SPECC1: variants seen among roughly 807,000 people sequenced by gnomAD.
The protein encoded by SPECC1 is cytospin-B.
A neutral mutation model predicts 104.1 loss-of-function variants in SPECC1; 62 were observed. That is an observed-to-expected ratio of 0.60 (90% CI 0.49 to 0.74). The LOEUF is 0.74. Among genes scored for constraint, SPECC1 ranks in the 30% least tolerant of loss-of-function variants. The probability of loss-of-function intolerance (pLI) is 0.00; values close to 1 mark genes in which losing one functional copy is unlikely to be tolerated. For missense variants in SPECC1, 1,306 were observed against 1,310.5 expected (o/e 1.00, Z 0.05); for synonymous variants, 513 against 501.6 (o/e 1.02, Z -0.30).
chr17:20,283,539 C>T lies in SPECC1; in HGVS notation c.2941-13422C>T, dbSNP rs548647646. 2.0e-5 allele frequency among the ~76,000 whole-genome samples: 3 copies of T among 152,130 alleles called. No homozygotes were observed. The South Asian group carries it at 6.2e-4, about 32-fold the overall frequency. On this transcript the variant is annotated intron_variant, in intron 12 of 14. Transcript: ENST00000395527. ...CATACATTTCAGACTATTTGTATTT[C>T]CTCTTCAGTACATTACAGGTTCATT...
chr17:20,182,555 T>C (rs976958173), intron 3 of SPECC1, among the ~76,000 whole-genome samples: 8 of 152,208 alleles, frequency 5.3e-5, no homozygotes, highest in Admixed American at 5.2e-4. Context: ...AATTGAGGCT[T>C]TGAAAGACTA....
intron 2 of SPECC1, among the ~76,000 whole-genome samples, chr17:20,107,609 A>C (rs1023534443): frequency 1.3e-4 from 19 of 151,728 alleles, no homozygotes; most frequent in African/African-American, 4.4e-4. Context: ...GGCATGTGTC[A>C]CCACACCTGG....
At chr17:20,309,765 A>G (rs767336723) in intron 14 of SPECC1, among the ~76,000 whole-genome samples, 2 of 148,550 alleles carry the variant, frequency 1.3e-5, no homozygotes, top group Non-Finnish European at 1.5e-5. Context: ...TCCATGGTAT[A>G]TATGTACCAC....
At chr17:20,147,081 A>ATTTTT (rs71157859) in intron 3 of SPECC1, among the ~76,000 whole-genome samples, 1 of 125,698 alleles carries the variant, frequency 8.0e-6, no homozygotes, top group African/African-American at 3.0e-5. Flanking sequence ...ATGGATCGTG[A>ATTTTT]TTTTTTTTTT....
At chr17:20,037,324 G>A (rs1031923863) in intron 1 of SPECC1, among the ~76,000 whole-genome samples, 1 of 150,988 alleles carries the variant, frequency 6.6e-6, no homozygotes, top group African/African-American at 2.4e-5. Context: ...GCTAATTTTT[G>A]TATTTTAGTA....
At chr17:20,253,702 G>T in intron 10 of SPECC1, 116 bp downstream of exon 10, 1 of 951,162 alleles carries the variant, frequency 1.1e-6, no homozygotes, top group South Asian at 1.5e-5. Flanking sequence ...TCTTGCAAGT[G>T]ATTTCAACCC....
intron 1 of SPECC1, among the ~76,000 whole-genome samples, chr17:20,085,929 G>T (rs2152495121): frequency 6.6e-6 from 1 of 152,350 alleles, no homozygotes; most frequent in South Asian, 2.1e-4. Context: ...TTTTGTTCCT[G>T]CATCCTCTGC....
intron 2 of SPECC1, among the ~76,000 whole-genome samples, chr17:20,103,962 G>A (rs954387319): frequency 6.6e-6 from 1 of 152,174 alleles, no homozygotes; most frequent in Non-Finnish European, 1.5e-5. Flanking sequence ...CCTCTGCTCA[G>A]GACCCATTGT....
At chr17:20,157,236 G>C (rs559177243) in intron 3 of SPECC1, among the ~76,000 whole-genome samples, 1 of 152,180 alleles carries the variant, frequency 6.6e-6, no homozygotes, top group East Asian at 1.9e-4. Context: ...CCCTATCCTC[G>C]GGGTGGGGTG....
intron 3 of SPECC1, among the ~76,000 whole-genome samples, chr17:20,151,269 G>GA (rs2031981302): frequency 6.6e-6 from 1 of 152,142 alleles, no homozygotes; most frequent in Non-Finnish European, 1.5e-5. Flanking sequence ...GTGATATGTG[G>GA]AGCTACACTT....
intron 3 of SPECC1, chr17:20,113,064 A>G: frequency 2.7e-6 from 2 of 733,152 alleles, no homozygotes; most frequent in Admixed American, 4.1e-5. Context: ...CCACCCGCTC[A>G]GTTGTCTAGA....
chr17:20,264,861 G>A (rs958699060), intron 12 of SPECC1, among the ~76,000 whole-genome samples: 1 of 152,170 alleles, frequency 6.6e-6, no homozygotes, highest in Non-Finnish European at 1.5e-5. Flanking sequence ...CCACTTATAA[G>A]TGAGATGTGG....
chr17:20,298,948 A>AGAGAGT, intron 13 of SPECC1, among the ~76,000 whole-genome samples: 10 of 49,070 alleles, frequency 2.0e-4, no homozygotes, highest in Non-Finnish European at 2.6e-4. Context: ...AGAGAGAGAG[A>AGAGAGT]GTGTGTGTGT....
intron 1 of SPECC1, among the ~76,000 whole-genome samples, chr17:20,020,423 C>A (rs1447041367): frequency 5.3e-5 from 8 of 151,340 alleles, no homozygotes; most frequent in Non-Finnish European, 7.4e-5. Context: ...GCAACCTCCG[C>A]CTCCTGGGTT....
At chr17:20,037,553 G>A (rs949173334) in intron 1 of SPECC1, among the ~76,000 whole-genome samples, 1 of 151,534 alleles carries the variant, frequency 6.6e-6, no homozygotes, top group African/African-American at 2.4e-5. Flanking sequence ...GTCAAGAGTA[G>A]CTGTCCTTAT....
At chr17:20,092,713 C>G (rs2047457236) in intron 1 of SPECC1, among the ~76,000 whole-genome samples, 1 of 152,212 alleles carries the variant, frequency 6.6e-6, no homozygotes, top group Non-Finnish European at 1.5e-5. Context: ...TAGTTGTCAA[C>G]AGCCTTCTGT....
At chr17:20,302,147 T>C (rs1465900033) in intron 13 of SPECC1, among the ~76,000 whole-genome samples, 1 of 152,252 alleles carries the variant, frequency 6.6e-6, no homozygotes, top group African/African-American at 2.4e-5. Context: ...AGTGTGACCC[T>C]GAGAGGGGGA....
intron 4 of SPECC1, among the ~76,000 whole-genome samples, chr17:20,215,881 C>T (rs2037457340): frequency 6.6e-6 from 1 of 152,138 alleles, no homozygotes; most frequent in Admixed American, 6.5e-5. Context: ...ATATCTCTAG[C>T]TTGATTTCCT....
At chr17:20,239,487 AATCT>A (rs1330257657) in intron 7 of SPECC1, 1 of 173,038 alleles carries the variant, frequency 5.8e-6, no homozygotes, top group African/African-American at 2.4e-5. Flanking sequence ...AATACATAGA[AATCT>A]ATCTTATTTT....
Sources: allele counts gnomAD v4.1 joint callset (sites outside exome capture counted in the v4.1 genomes callset), GRCh38; gene constraint gnomAD v4.1.1; transcripts MANE v1.5; gene names NCBI Gene and HGNC (gene_info 2026-07-23, HGNC 2026-07-21).